MYO9A: variants seen among roughly 807,000 people sequenced by gnomAD.
MYO9A encodes the protein myosin IXA, also known as unconventional myosin-IXa.
In MYO9A, 103 loss-of-function variants were observed where a neutral mutation model predicts 293.3. That is an observed-to-expected ratio of 0.35 (90% confidence interval 0.30 to 0.41). MYO9A has a LOEUF of 0.41. Ranked by LOEUF, MYO9A falls within the 10% of genes least tolerant of loss-of-function variation. The pLI, the probability that MYO9A is intolerant of heterozygous loss-of-function variation, is 1.00. For missense variants in MYO9A, 2,685 were observed against 3,033.0 expected (o/e 0.89, Z 2.69); for synonymous variants, 1,001 against 1,035.7 (o/e 0.97, Z 0.64).
intron 32 of MYO9A, among the ~76,000 whole-genome samples, chr15:71,869,384 T>C (rs921685468): frequency 6.6e-6 from 1 of 152,084 alleles, no homozygotes; most frequent in Non-Finnish European, 1.5e-5. Flanking sequence ...CATGAGGAAA[T>C]ATAAGACAAA....
intron 25 of MYO9A, among the ~76,000 whole-genome samples, chr15:71,894,652 T>C (rs76485096): frequency 0.014 from 2,070 of 152,254 alleles, 22 homozygotes; most frequent in East Asian, 0.024. Context: ...GGGTAAGAAA[T>C]TGTTATCAAA....
rs761776821 is a variant in MYO9A, at chr15:72,010,356, C to T, written c.1247G>A (p.Arg416Gln). The T allele has an allele frequency of 8.7e-6, 14 of 1,612,594 alleles. No homozygotes were observed. The Admixed American group carries it at 1.7e-4, about 19-fold the overall frequency. ...ATACAACAAGTAAACTCACTGTCTT[C>T]GTGTCTTGGGAAGAAATCCTACCAT... is the stretch of plus-strand genomic sequence containing the variant. ...MEMVGFLPKTRRQIFSLLSAI... is the reference protein window; with the variant it reads ...MEMVGFLPKTQRQIFSLLSAI... Residue 416 changes from arginine (R) to glutamine (Q), a missense_variant, in exon 7 of 42, where the codon CGA (arginine) becomes CAA (glutamine). By Grantham distance (43) the Arg-to-Gln change is conservative (BLOSUM62 1). Around this residue, in one of 10 missense-constraint regions of MYO9A, gnomAD observed 289 missense variants for 456.8 expected, o/e 0.63. Transcript: ENST00000356056.
At chr15:71,854,275 GGCT>G in intron 35 of MYO9A, 99 bp downstream of exon 35, 2 of 953,852 alleles carry the variant, frequency 2.1e-6, no homozygotes, top group Middle Eastern at 2.6e-4. Context: ...GCATTCTTCT[GGCT>G]GCTAAGTAAA....
At chr15:71,871,473 T>A (rs541432394) in intron 32 of MYO9A, among the ~76,000 whole-genome samples, 1 of 150,220 alleles carries the variant, frequency 6.7e-6, no homozygotes, top group African/African-American at 2.4e-5. Flanking sequence ...GGTAGGTGAA[T>A]TGCTTGAGCC....
intron 9 of MYO9A, 104 bp from the exon 10 acceptor site, chr15:71,994,689 T>C: frequency 1.7e-6 from 1 of 605,028 alleles, no homozygotes; most frequent in East Asian, 2.9e-5. Context: ...CTATCCTGAA[T>C]TAGAAATGAA....
intron 1 of MYO9A, among the ~76,000 whole-genome samples, chr15:72,061,342 G>A (rs968835252): frequency 6.6e-6 from 1 of 151,924 alleles, no homozygotes; most frequent in Non-Finnish European, 1.5e-5. Flanking sequence ...TTGCAACTTG[G>A]GTATCAACTC....
intron 1 of MYO9A, among the ~76,000 whole-genome samples, chr15:72,101,777 G>A (rs2080341585): frequency 6.9e-6 from 1 of 145,268 alleles, no homozygotes; most frequent in Admixed American, 6.9e-5. Context: ...GAAGTGAGGA[G>A]CCCCTCTGCC....
At chr15:72,013,969 C>A (rs1566949619) in intron 6 of MYO9A, among the ~76,000 whole-genome samples, 1 of 152,126 alleles carries the variant, frequency 6.6e-6, no homozygotes, top group East Asian at 1.9e-4. Flanking sequence ...CAGCATCCAT[C>A]TGATTTTTAT....
chr15:71,957,480 A>G (rs1487242581), intron 14 of MYO9A, among the ~76,000 whole-genome samples: 1 of 152,130 alleles, frequency 6.6e-6, no homozygotes, highest in African/African-American at 2.4e-5. Context: ...TTTATAAAAA[A>G]AGTCCTTTTT....
At chr15:72,076,717 A>AG (rs1248540217) in intron 1 of MYO9A, among the ~76,000 whole-genome samples, 10 of 152,306 alleles carry the variant, frequency 6.6e-5, no homozygotes, top group Non-Finnish European at 8.8e-5. Flanking sequence ...ATCCCAGCAA[A>AG]GTTACTTTGT....
intron 2 of MYO9A, among the ~76,000 whole-genome samples, chr15:72,044,345 G>A (rs2078317763): frequency 6.6e-6 from 1 of 151,804 alleles, no homozygotes; most frequent in Admixed American, 6.6e-5. Context: ...GGCAGAGGCT[G>A]CGGTGAGCCG....
At chr15:71,875,874 T>C in intron 31 of MYO9A, 36 bp from the exon 32 acceptor site, 1 of 1,119,800 alleles carries the variant, frequency 8.9e-7, no homozygotes, top group Non-Finnish European at 1.2e-6. Flanking sequence ...GAAATTGTGA[T>C]AACAAAGACT....
intron 18 of MYO9A, among the ~76,000 whole-genome samples, chr15:71,927,990 T>C (rs2058357975): frequency 8.0e-6 from 1 of 124,672 alleles, no homozygotes; most frequent in South Asian, 2.8e-4. Flanking sequence ...TATTTTCTTC[T>C]GCCAGCTCCA....
intron 18 of MYO9A, among the ~76,000 whole-genome samples, chr15:71,922,083 T>G (rs1336198378): frequency 1.3e-5 from 2 of 152,194 alleles, no homozygotes; most frequent in Non-Finnish European, 2.9e-5. Flanking sequence ...GTTCAAGCAA[T>G]TCTCCTGCCT....
intron 15 of MYO9A, among the ~76,000 whole-genome samples, chr15:71,947,283 G>GAAAA (rs33945561): frequency 1.5e-4 from 19 of 127,882 alleles, no homozygotes; most frequent in African/African-American, 3.6e-4. Flanking sequence ...TCCATCTCAG[G>GAAAA]AAAAAAAAAA....
At chr15:71,915,943 A>G (rs2057998031) in intron 19 of MYO9A, among the ~76,000 whole-genome samples, 1 of 152,296 alleles carries the variant, frequency 6.6e-6, no homozygotes, top group East Asian at 1.9e-4. Flanking sequence ...CTGGATTTCT[A>G]TTTATACAAA....
intron 32 of MYO9A, among the ~76,000 whole-genome samples, chr15:71,870,124 T>C (rs2056460974): frequency 6.6e-6 from 1 of 152,178 alleles, no homozygotes; most frequent in Non-Finnish European, 1.5e-5. Context: ...CTTGTCCTTT[T>C]TTCTGTCCTG....
intron 17 of MYO9A, 29 bp from the exon 18 acceptor site, chr15:71,933,738 A>T (rs2058548576): frequency 1.3e-6 from 2 of 1,575,092 alleles, no homozygotes; most frequent in Non-Finnish European, 1.7e-6. Context: ...CATTAAAAAA[A>T]GCTACTGTAT....
At chr15:71,977,306 G>A (rs922127178) in intron 12 of MYO9A, among the ~76,000 whole-genome samples, 1 of 152,026 alleles carries the variant, frequency 6.6e-6, no homozygotes, top group East Asian at 1.9e-4. Context: ...GCGCCATCTC[G>A]GCTCACTGCA....
Sources: allele counts gnomAD v4.1 joint callset (sites outside exome capture counted in the v4.1 genomes callset), GRCh38; gene constraint gnomAD v4.1.1; regional missense constraint gnomAD v4.1.1; transcripts MANE v1.5; gene names NCBI Gene and HGNC (gene_info 2026-07-23, HGNC 2026-07-21).